Variants in MPP7 observed in about 807,000 individuals in gnomAD.
MPP7 encodes MAGUK p55 scaffold protein 7.
A neutral mutation model predicts 76.5 loss-of-function variants in MPP7; 60 were observed. The observed-to-expected ratio is 0.78, with a 90% CI of 0.64 to 0.97. MPP7 has a LOEUF of 0.97. Among genes scored for constraint, MPP7 ranks in the 50% least tolerant of loss-of-function variants. The pLI is 0.00. For missense variants in MPP7, 641 were observed against 694.0 expected (o/e 0.92, Z 0.86); for synonymous variants, 237 against 244.5 (o/e 0.97, Z 0.29).
chr10:28,124,428 A>G (rs1834943663), intron 7 of MPP7, among the ~76,000 whole-genome samples: 1 of 149,812 alleles, frequency 6.7e-6, no homozygotes, highest in African/African-American at 2.5e-5. Context: ...GCATGCTCTT[A>G]GCAGTACTTT....
chr10:28,153,850 C>T (rs963905802), intron 3 of MPP7, among the ~76,000 whole-genome samples: 1 of 152,070 alleles, frequency 6.6e-6, no homozygotes, highest in Non-Finnish European at 1.5e-5. Context: ...CTTTTATTGG[C>T]TTCTATTATG....
chr10:28,224,320 A>G (rs1002194266), intron 2 of MPP7, among the ~76,000 whole-genome samples: 9 of 152,136 alleles, frequency 5.9e-5, no homozygotes, highest in Non-Finnish European at 1.3e-4. Context: ...GCTTAACAAC[A>G]TATTACACTT....
At position 28,150,055 on chromosome 10, in the gene MPP7, TGAA is replaced by T. The variant is rs1835832816; in HGVS notation, c.158_160del (p.Ile53_His54delinsAsn). ...CTTCTCATAGTAGTGTAGTTTTTCA[TGAA>T]TCTGGAAGAAAATCAAATGCATATA... On this transcript the variant is annotated inframe_deletion and splice_region_variant, in exon 4 of 17. Coordinates refer to ENST00000683449, the MANE Select transcript of MPP7 (RefSeq NM_001318170.2). 1 of 1,612,968 alleles carries T rather than the reference TGAA, an allele frequency of 6.2e-7. No individual in the cohort carries two copies. The highest frequency in any genetic ancestry group is 8.5e-7 in the Non-Finnish European group (1 of 1,179,520).
chr10:28,123,866 G>C (rs1199063593), intron 8 of MPP7, among the ~76,000 whole-genome samples, 165 bp downstream of exon 8: 1 of 152,002 alleles, frequency 6.6e-6, no homozygotes, highest in Non-Finnish European at 1.5e-5. Flanking sequence ...AAAACACTGA[G>C]GCATGAATAG....
At chr10:28,301,205 A>AT (rs1287098617) in intron 1 of MPP7, among the ~76,000 whole-genome samples, 1 of 152,206 alleles carries the variant, frequency 6.6e-6, no homozygotes, top group African/African-American at 2.4e-5. Context: ...AAACAAAGTC[A>AT]TAAGTCATGA....
intron 11 of MPP7, among the ~76,000 whole-genome samples, chr10:28,112,461 T>A (rs537475040): frequency 6.6e-6 from 1 of 152,172 alleles, no homozygotes; most frequent in Non-Finnish European, 1.5e-5. Flanking sequence ...GTAATTTATA[T>A]CACATATAGT....
chr10:28,113,271 C>T (rs1203399194), intron 11 of MPP7, among the ~76,000 whole-genome samples: 5 of 152,178 alleles, frequency 3.3e-5, no homozygotes, highest in African/African-American at 9.7e-5. Flanking sequence ...TTGCTCCCCA[C>T]ACACTGGTTG....
At chr10:28,091,321 CTT>C (rs1407357859) in intron 11 of MPP7, among the ~76,000 whole-genome samples, 1 of 138,922 alleles carries the variant, frequency 7.2e-6, no homozygotes, top group Non-Finnish European at 1.5e-5. Flanking sequence ...GAGTTTTGCT[CTT>C]GTTGTCCAGG....
At chr10:28,133,928 AATATGTTGCAATTTCTTTACCC>A (rs1406173661) in intron 5 of MPP7, among the ~76,000 whole-genome samples, 1 of 152,178 alleles carries the variant, frequency 6.6e-6, no homozygotes, top group African/African-American at 2.4e-5. Flanking sequence ...ACAACATATA[AATATGTTGCAATTTCTTTACCC>A]ATTATGCCTT....
intron 11 of MPP7, among the ~76,000 whole-genome samples, chr10:28,096,512 A>G (rs1478041735): frequency 6.6e-6 from 1 of 152,202 alleles, no homozygotes; most frequent in African/African-American, 2.4e-5. Context: ...ATACATATAC[A>G]TAGGTATCTT....
chr10:28,192,032 G>A (rs549104719), intron 3 of MPP7, among the ~76,000 whole-genome samples: 58 of 151,848 alleles, frequency 3.8e-4, no homozygotes, highest in Non-Finnish European at 6.9e-4. Context: ...GCTGAGGCAC[G>A]AGAATCGCTT....
chr10:28,213,280 T>C (rs900370963), intron 2 of MPP7, among the ~76,000 whole-genome samples: 4 of 151,802 alleles, frequency 2.6e-5, no homozygotes, highest in Admixed American at 6.6e-5. Context: ...CATTCAGTAG[T>C]TGTGAAGGAA....
intron 2 of MPP7, among the ~76,000 whole-genome samples, chr10:28,313,324 G>A (rs1205257274): frequency 6.6e-6 from 1 of 152,070 alleles, no homozygotes. Flanking sequence ...TGATCAACAT[G>A]GTGAAACCCC....
chr10:28,226,028 A>G (rs1479614802), intron 2 of MPP7, among the ~76,000 whole-genome samples: 1 of 152,218 alleles, frequency 6.6e-6, no homozygotes, highest in Admixed American at 6.5e-5. Flanking sequence ...AATGCAGTAT[A>G]TACATACAAT....
At chr10:28,091,270 C>T (rs1853285140) in intron 11 of MPP7, among the ~76,000 whole-genome samples, 2 of 150,690 alleles carry the variant, frequency 1.3e-5, no homozygotes, top group Non-Finnish European at 2.9e-5. Flanking sequence ...TATTCATCAA[C>T]TTTGATAAAC....
chr10:28,070,288 A>G (rs1479651948), intron 12 of MPP7, among the ~76,000 whole-genome samples: 1 of 152,092 alleles, frequency 6.6e-6, no homozygotes, highest in African/African-American at 2.4e-5. Context: ...AGTCCCAGCT[A>G]CTCAGGAGGC....
At chr10:28,069,898 A>G in intron 12 of MPP7, 46 bp from the exon 13 acceptor site, 1 of 1,427,292 alleles carries the variant, frequency 7.0e-7, no homozygotes. Flanking sequence ...AAAACACCAC[A>G]TAAACATTTC....
At chr10:28,262,008 G>A (rs990529078) in intron 1 of MPP7, among the ~76,000 whole-genome samples, 7 of 150,412 alleles carry the variant, frequency 4.7e-5, no homozygotes, top group African/African-American at 9.8e-5. Context: ...AAAATTAGCC[G>A]GGCATGGTGG....
At chr10:28,328,050 C>G (rs1340322582) in intron 2 of MPP7, among the ~76,000 whole-genome samples, 2 of 152,112 alleles carry the variant, frequency 1.3e-5, no homozygotes, top group Non-Finnish European at 2.9e-5. Flanking sequence ...TTGTTCTGTG[C>G]TGAGAACCAT....
Sources: allele counts gnomAD v4.1 joint callset (sites outside exome capture counted in the v4.1 genomes callset), GRCh38; gene constraint gnomAD v4.1.1; transcripts MANE v1.5; gene names NCBI Gene and HGNC (gene_info 2026-07-23, HGNC 2026-07-21).